Variants in ATP8A2 observed in about 807,000 individuals in gnomAD.
The protein encoded by ATP8A2 is ATPase phospholipid transporting 8A2.
In ATP8A2, 100 loss-of-function variants were observed where a neutral mutation model predicts 165.6. The ratio of observed to expected loss-of-function variants is 0.60; its 90% CI spans 0.51 to 0.71. The LOEUF (loss-of-function observed/expected upper bound fraction) is 0.71. ATP8A2 is among the 30% of genes least tolerant of loss of function. The probability of loss-of-function intolerance (pLI) is 0.00; values close to 1 mark genes in which losing one functional copy is unlikely to be tolerated. For missense variants in ATP8A2, 1,227 were observed against 1,479.5 expected, an observed-to-expected ratio of 0.83 and a Z score of 2.80; for synonymous variants, 543 against 548.8, an observed-to-expected ratio of 0.99 and a Z score of 0.15.
intron 2 of ATP8A2, among the ~76,000 whole-genome samples, chr13:25,503,980 GC>G (rs760370386): frequency 2.6e-5 from 4 of 152,222 alleles, no homozygotes; most frequent in Non-Finnish European, 4.4e-5. Context: ...ATGTTTACAA[GC>G]ACTGTGAAGT....
At chr13:25,680,063 C>G (rs922594518) in intron 24 of ATP8A2, among the ~76,000 whole-genome samples, 3 of 152,100 alleles carry the variant, frequency 2.0e-5, no homozygotes, top group African/African-American at 7.2e-5. Flanking sequence ...AGAGAAATTT[C>G]ATGCTCTACG....
intron 24 of ATP8A2, among the ~76,000 whole-genome samples, chr13:25,694,826 A>T (rs928369787): frequency 4.6e-5 from 7 of 152,084 alleles, no homozygotes; most frequent in Admixed American, 1.3e-4. Flanking sequence ...ATGCACCATC[A>T]TGCCTGGCCA....
At position 25,956,461 on chromosome 13, in the gene ATP8A2, T is replaced by C. The variant is rs148454371; in HGVS notation, c.3184-5114T>C. On this transcript the variant is annotated intron_variant, in intron 33 of 36. Coordinates refer to ENST00000381655, the MANE Select transcript of ATP8A2 (RefSeq NM_016529.6). Reference sequence around the variant, plus strand: ...ATCAATGTGCAAAAATCACAAGCATTCCTATACACCCATAACAGACAAACA... The same window carrying C: ...ATCAATGTGCAAAAATCACAAGCATCCCTATACACCCATAACAGACAAACA... Among the ~76,000 whole-genome samples the C allele has an allele frequency of 4.3e-3, 662 of 152,248 alleles. 7 individuals are homozygous for C. Among genetic ancestry groups the C allele is most frequent in the African/African-American group, 0.015 (633 of 41,526 alleles).
intron 23 of ATP8A2, among the ~76,000 whole-genome samples, chr13:25,586,472 G>A (rs921017830): frequency 1.8e-4 from 28 of 152,302 alleles, no homozygotes; most frequent in African/African-American, 6.7e-4. Context: ...GTGCTCCAGG[G>A]ACAAGGCCTC....
rs78404814 is a variant in ATP8A2, at chr13:25,888,437, C to G, written c.3183+26029C>G. Among the ~76,000 whole-genome samples the G allele has an allele frequency of 1.5e-3, 235 of 152,218 alleles. 1 individual carries two copies. The highest frequency in any genetic ancestry group is 5.2e-3 in the African/African-American group (216 of 41,550). On this transcript the variant is annotated intron_variant, in intron 33 of 36. Transcript: ENST00000381655. ...TCTTCTGCGTCAAGTTCAGAAAAAG[C>G]TAAAAGCAAAAAAGGAAGCAACCAA...
chr13:25,395,623 ACTC>A lies in ATP8A2; in HGVS notation c.76+23338_76+23340del, dbSNP rs370390312. On this transcript the variant is annotated intron_variant, in intron 1 of 36. Transcript: ENST00000381655. ...CAATCATAGCTCACTGCAGCCTTGA[ACTC>A]CTGGGCTCAAACGATCCTCCCAGCT... Among the ~76,000 whole-genome samples the A allele has an allele frequency of 2.9e-3, 438 of 151,934 alleles. 2 individuals are homozygous for A. Among genetic ancestry groups the A allele is most frequent in the African/African-American group, 1.0e-2 (414 of 41,414 alleles).
intron 34 of ATP8A2, among the ~76,000 whole-genome samples, chr13:25,966,192 G>A (rs1435861863): frequency 6.6e-6 from 1 of 152,060 alleles, no homozygotes; most frequent in Non-Finnish European, 1.5e-5. Flanking sequence ...TCCCTTCTGT[G>A]GTCATCCAGC....
intron 1 of ATP8A2, among the ~76,000 whole-genome samples, chr13:25,386,695 C>G (rs1233377833): frequency 6.6e-6 from 1 of 151,840 alleles, no homozygotes; most frequent in Non-Finnish European, 1.5e-5. Context: ...TGGTGTTCAA[C>G]TACTTATTAA....
chr13:25,379,100 A>G (rs1335414183), intron 1 of ATP8A2, among the ~76,000 whole-genome samples: 1 of 152,076 alleles, frequency 6.6e-6, no homozygotes, highest in Non-Finnish European at 1.5e-5. Flanking sequence ...CAGGCTCCTT[A>G]ATTTTGATTC....
intron 1 of ATP8A2, among the ~76,000 whole-genome samples, chr13:25,399,314 A>C (rs1306024146): frequency 1.4e-5 from 2 of 147,412 alleles, no homozygotes; most frequent in East Asian, 4.3e-4. Context: ...TTCTCAGGGG[A>C]TGCTGCTGCT....
Position 25,417,380 on chromosome 13 carries a change from G to T in ATP8A2, c.76+45092G>T, listed in dbSNP as rs142684438. Among the ~76,000 whole-genome samples, 610 of 121,040 alleles carry T rather than the reference G, an allele frequency of 5.0e-3. 7 individuals carry two copies. Among genetic ancestry groups the T allele is most frequent in the African/African-American group, 0.018 (584 of 32,662 alleles). The allele number at this position is 121,040 out of a possible 152,430, so 79.4% of individuals were successfully genotyped here. On this transcript the variant is annotated intron_variant, in intron 1 of 36. Transcript: ENST00000381655. The stretch of plus-strand genomic sequence containing the variant: ...CTGGCTTCTAAGTCCTGCCTTTTTG[G>T]TCTGGGCTTGACACTGGCCAGTTTC...
intron 24 of ATP8A2, among the ~76,000 whole-genome samples, chr13:25,627,464 A>C (rs868509279): frequency 2.7e-4 from 41 of 152,322 alleles, no homozygotes; most frequent in Middle Eastern, 3.4e-3. Flanking sequence ...TTATGGTTAA[A>C]TGAAATCATA....
chr13:25,607,784 A>T (rs1486861366), intron 24 of ATP8A2, among the ~76,000 whole-genome samples: 2 of 152,198 alleles, frequency 1.3e-5, no homozygotes, highest in Non-Finnish European at 2.9e-5. Context: ...AATGAAGTAG[A>T]TTCATCTACT....
intron 27 of ATP8A2, among the ~76,000 whole-genome samples, chr13:25,818,040 A>G (rs1342936917): frequency 6.6e-6 from 1 of 152,190 alleles, no homozygotes; most frequent in Admixed American, 6.6e-5. Context: ...GTTATTTTTT[A>G]TTCAAGGAAT....
At chr13:25,823,350 A>G (rs1204115090) in intron 27 of ATP8A2, among the ~76,000 whole-genome samples, 6 of 151,934 alleles carry the variant, frequency 3.9e-5, no homozygotes, top group South Asian at 4.1e-4. Context: ...TGTCTTTTTC[A>G]TGTTCATTTG....
At position 25,808,651 on chromosome 13, in the gene ATP8A2, G is replaced by A. The variant is rs572535010; in HGVS notation, c.2680-19467G>A. 2.0e-5 allele frequency among the ~76,000 whole-genome samples: 3 copies of A among 151,220 alleles called. No individual in the cohort carries two copies. In the East Asian group the frequency reaches 5.9e-4, roughly 30 times the overall value. On this transcript the variant is annotated intron_variant, in intron 27 of 36. Transcript: ENST00000381655. ...AGAGTTGTCTCACTGTGTCACCCAA[G>A]CTGTTCTCAAACTCCTGGGCTCAAC...
chr13:25,980,809 T>A (rs1956158879), intron 35 of ATP8A2, among the ~76,000 whole-genome samples: 1 of 152,148 alleles, frequency 6.6e-6, no homozygotes, highest in South Asian at 2.1e-4. Context: ...AGTTTGAGGC[T>A]GCAGTGAGCC....
chr13:25,595,032 A>G (rs571196362), intron 24 of ATP8A2, among the ~76,000 whole-genome samples: 41 of 149,362 alleles, frequency 2.7e-4, no homozygotes, highest in South Asian at 1.3e-3. Flanking sequence ...ATGTATATGT[A>G]TATATATATA....
chr13:25,628,030 A>G (rs1294299975), intron 24 of ATP8A2, among the ~76,000 whole-genome samples: 2 of 152,190 alleles, frequency 1.3e-5, no homozygotes, highest in African/African-American at 2.4e-5. Context: ...CATGTTATCC[A>G]TATTGCATGG....
Sources: gnomAD v4.1 joint callset for allele counts (sites outside exome capture counted in the v4.1 genomes callset) on GRCh38, gnomAD v4.1.1 for gene constraint, MANE v1.5 for transcripts, NCBI Gene and HGNC (gene_info 2026-07-23, HGNC 2026-07-21) for gene names.